BICRA: variants seen among roughly 807,000 people sequenced by gnomAD.
BICRA encodes the protein BRD4 interacting chromatin remodeling complex associated protein.
BICRA carries 31 observed loss-of-function variants against 96.9 expected under a neutral mutation model. The observed-to-expected ratio is 0.32, with a 90% confidence interval of 0.24 to 0.43. The LOEUF (loss-of-function observed/expected upper bound fraction) is 0.43. Among genes scored for constraint, BICRA ranks in the 20% least tolerant of loss-of-function variants. The pLI, the probability that BICRA is intolerant of heterozygous loss-of-function variation, is 1.00. For missense variants in BICRA, 2,283 were observed against 2,190.3 expected, an observed-to-expected ratio of 1.04 and a Z score of -0.84; for synonymous variants, 1,350 against 1,071.8, an observed-to-expected ratio of 1.26 and a Z score of -5.07.
chr19:47,651,261 C>T (rs376471413), intron 1 of BICRA, among the ~76,000 whole-genome samples: 30 of 152,254 alleles, frequency 2.0e-4, no homozygotes, highest in Middle Eastern at 3.4e-3. Context: ...TCCTCGCCCT[C>T]GTTGTCTGTC....
At chr19:47,693,980 C>G in intron 7 of BICRA, 135 bp from the exon 8 acceptor site, 1 of 1,058,386 alleles carries the variant, frequency 9.4e-7, no homozygotes, top group East Asian at 2.9e-5. Flanking sequence ...GTGGTGGGCT[C>G]CTCTCTCAGG....
In BICRA at chr19:47,701,122, G is replaced by A. The variant is rs571037549; in HGVS notation, c.3596-206G>A. 5.2e-5 allele frequency: 30 copies of A among 580,400 alleles called. No homozygotes were observed. In the East Asian group the frequency reaches 7.6e-4, roughly 15 times the overall value. The allele number at this position is 580,400 out of a possible 1,614,324, so 36.0% of individuals were successfully genotyped here. On this transcript the variant is annotated intron_variant, in intron 14 of 14. Transcript: ENST00000594866. The surrounding 1 kb of genome is among the most constrained non-coding windows in gnomAD (Gnocchi z 5.4). ...GAATGAGCCCCACGTGGCTCGTGGC[G>A]CTGTGCCAGGCACAGTGGTTTTAGA...
intron 1 of BICRA, among the ~76,000 whole-genome samples, chr19:47,669,151 G>C (rs535466834): frequency 6.6e-6 from 1 of 152,122 alleles, no homozygotes; most frequent in East Asian, 1.9e-4. Context: ...TACAAGCAGG[G>C]TGCAGAAATC....
intron 6 of BICRA, among the ~76,000 whole-genome samples, chr19:47,681,642 C>T (rs559350353): frequency 6.6e-6 from 1 of 152,120 alleles, no homozygotes; most frequent in East Asian, 1.9e-4. Context: ...AGAGGGACTA[C>T]CCGACGGACA....
At chr19:47,639,215 C>A (rs891319294) in intron 1 of BICRA, among the ~76,000 whole-genome samples, 2 of 151,436 alleles carry the variant, frequency 1.3e-5, no homozygotes, top group Non-Finnish European at 2.9e-5. Flanking sequence ...ATCATGTTGC[C>A]CAGGCTGGCC....
intron 1 of BICRA, among the ~76,000 whole-genome samples, chr19:47,658,764 G>GC (rs1457783347): frequency 1.3e-5 from 2 of 152,026 alleles, no homozygotes; most frequent in African/African-American, 4.8e-5. Flanking sequence ...ACCGGGACCT[G>GC]CCGATTCCCA....
At chr19:47,618,401 C>T (rs906505502) in intron 1 of BICRA, among the ~76,000 whole-genome samples, 4 of 152,112 alleles carry the variant, frequency 2.6e-5, no homozygotes, top group Non-Finnish European at 5.9e-5. Flanking sequence ...ATTTGGATGA[C>T]CTTATTGTTA....
At position 47,681,137 on chromosome 19, in the gene BICRA, C is replaced by T. The variant is rs1437410150; in HGVS notation, c.1967C>T (p.Ala656Val). 2 of 1,508,050 alleles carry T rather than the reference C, an allele frequency of 1.3e-6. No homozygotes were observed. Among genetic ancestry groups the T allele is most frequent in the South Asian group, 1.2e-5 (1 of 83,018 alleles). The allele number at this position is 1,508,050 out of a possible 1,614,324, so 93.4% of individuals were successfully genotyped here. The stretch of plus-strand genomic sequence containing the variant: ...CCGCAGGCCCCCACCCCACAGGCCG[C>T]CGCCCCGCCTCAGGCCACCACCCCC... ...QPPQAPTPQA[A>V]APPQATTPQP... The change falls in exon 6 of 15, where the codon GCC becomes GTC. Residue 656 changes from alanine to valine, a missense_variant. Physicochemically the swap from Ala to Val is moderately conservative, Grantham distance 64. Coordinates refer to ENST00000594866, the MANE Select transcript of BICRA (RefSeq NM_001394372.1).
Position 47,694,194 on chromosome 19 carries a change from G to T in BICRA, c.2363G>T (p.Ser788Ile). 7.0e-7 allele frequency: 1 copy of T among 1,426,666 alleles called. No homozygotes were observed. The highest frequency in any genetic ancestry group is 9.4e-7 in the Non-Finnish European group (1 of 1,066,764). The allele number at this position is 1,426,666 out of a possible 1,614,324, so 88.4% of individuals were successfully genotyped here. ...SLPHQAPLGDSPHLPSPHPTR... is the reference protein window; with the variant it reads ...SLPHQAPLGDIPHLPSPHPTR... ...CCTCACCAGGCCCCTCTGGGGGACAGCCCCCACCTGCCCTCCCCACACCCC... is the reference window on the plus strand; with the variant it reads ...CCTCACCAGGCCCCTCTGGGGGACATCCCCCACCTGCCCTCCCCACACCCC... Residue 788 changes from serine (S) to isoleucine (I), a missense_variant, in exon 8 of 15, where the codon AGC becomes ATC. Ser to Ile is a moderately radical substitution (Grantham distance 142, BLOSUM62 -2). Coordinates refer to ENST00000594866, the MANE Select transcript of BICRA (RefSeq NM_001394372.1).
rs1245764285 is a variant in BICRA at position 47,679,800 on chromosome 19, C to T, written c.630C>T (p.Pro210=). The T allele has an allele frequency of 6.7e-7, 1 of 1,488,314 alleles. No individual in the cohort carries two copies. Among genetic ancestry groups the T allele is most frequent in the Non-Finnish European group, 8.9e-7 (1 of 1,121,014 alleles). 92.2% of individuals were successfully genotyped at this position (1,488,314 alleles called of 1,614,324 possible). A position where few individuals can be genotyped will look rare whatever the true frequency, so the allele number is the denominator to read the frequency against. The change falls in exon 6 of 15, where the codon CCC becomes CCT. Residue 210 remains proline (P), a synonymous_variant. Transcript: ENST00000594866. Reference sequence around the variant, plus strand: ...GCCTGGGCAATGTGACACTGCAGCCCATCCCGGGCCTCCAAGGCCTGCCCA... The same window carrying T: ...GCCTGGGCAATGTGACACTGCAGCCTATCCCGGGCCTCCAAGGCCTGCCCA... ...PVGLGNVTLQ[P]IPGLQGLPNG...
intron 1 of BICRA, among the ~76,000 whole-genome samples, chr19:47,627,533 C>G (rs941822446): frequency 5.9e-5 from 9 of 152,176 alleles, no homozygotes; most frequent in Non-Finnish European, 1.5e-5. Flanking sequence ...GGCAGCTCCC[C>G]GTCAGCACAT....
rs1035900262 is a variant in BICRA at position 47,679,620 on chromosome 19, G to A, written c.450G>A (p.Ala150=). The change falls in exon 6 of 15, where the codon GCG becomes GCA. Residue 150 remains alanine, a synonymous_variant. Transcript: ENST00000594866. ...GCCCGACGGGCGCTGGAGGGGCAGC[G>A]GCCGTGGCTGCGGGGCCCCAAGCCC... ...GAGPTGAGGA[A]AVAAGPQALF... 1.6e-5 allele frequency: 24 copies of A among 1,517,712 alleles called. No individual in the cohort carries two copies. The highest frequency in any genetic ancestry group is 3.8e-5 in the South Asian group (3 of 79,816). The allele number at this position is 1,517,712 out of a possible 1,614,324, so 94.0% of individuals were successfully genotyped here.
intron 1 of BICRA, among the ~76,000 whole-genome samples, chr19:47,668,807 T>C (rs959987486): frequency 2.0e-5 from 3 of 151,910 alleles, no homozygotes; most frequent in Non-Finnish European, 4.4e-5. Flanking sequence ...GTGCTTCTTA[T>C]TGGTGATTTC....
rs773075791 is a variant in BICRA, at chr19:47,680,817, G to A, written c.1647G>A (p.Val549=). Residue 549 remains valine, a synonymous_variant, in exon 6 of 15, where the codon GTG becomes GTA. Transcript: ENST00000594866. ...AHILSAAPIQ[V]GQPALFQMPV... is the part of the protein sequence containing the mutation. ...TCCTCTCCGCCGCTCCCATCCAGGT[G>A]GGCCAGCCTGCGCTCTTCCAGATGC... 69 of 1,605,800 alleles carry A rather than the reference G, an allele frequency of 4.3e-5. No homozygotes were observed. The highest frequency in any genetic ancestry group is 5.6e-5 in the Non-Finnish European group (66 of 1,178,504).
At chr19:47,697,422 T>C (rs974047875) in intron 11 of BICRA, among the ~76,000 whole-genome samples, 6 of 151,888 alleles carry the variant, frequency 4.0e-5, no homozygotes, top group Non-Finnish European at 7.4e-5. Flanking sequence ...TTTTTTTTTA[T>C]ATATATTGTG....
chr19:47,649,388 CATAAT>C (rs1243801652), intron 1 of BICRA, among the ~76,000 whole-genome samples: 1 of 152,124 alleles, frequency 6.6e-6, no homozygotes, highest in African/African-American at 2.4e-5. Context: ...AAGTTGATCT[CATAAT>C]ATATAAGTCA....
rs559541056 is a variant in BICRA, at chr19:47,685,889, G to A, written c.2283+3737G>A. 5.3e-5 allele frequency among the ~76,000 whole-genome samples: 8 copies of A among 151,884 alleles called. No homozygotes were observed. In the East Asian group the frequency reaches 1.6e-3, roughly 29 times the overall value. Reference sequence around the variant, plus strand: ...CTTTGCTTATTTAGCAACGCATCTTGGAGCACTGGCTTTCAGACCTTTTTT... The same window carrying A: ...CTTTGCTTATTTAGCAACGCATCTTAGAGCACTGGCTTTCAGACCTTTTTT... On this transcript the variant is annotated intron_variant, in intron 7 of 14. Coordinates refer to ENST00000594866, the MANE Select transcript of BICRA (RefSeq NM_001394372.1).
intron 1 of BICRA, among the ~76,000 whole-genome samples, chr19:47,644,726 C>T (rs1195026715): frequency 2.0e-5 from 3 of 152,148 alleles, no homozygotes; most frequent in Non-Finnish European, 4.4e-5. Flanking sequence ...GTCTCAAACT[C>T]CTGGCCTCAA....
intron 3 of BICRA, 29 bp downstream of exon 3, chr19:47,673,644 C>G (rs1306118338): frequency 6.4e-7 from 1 of 1,573,966 alleles, no homozygotes; most frequent in Non-Finnish European, 8.7e-7. Flanking sequence ...ACCCCCTGCC[C>G]TCTGTCTCAA....
Sources: allele counts gnomAD v4.1 joint callset (sites outside exome capture counted in the v4.1 genomes callset), GRCh38; gene constraint gnomAD v4.1.1; non-coding constraint Gnocchi (gnomAD v3.1); transcripts MANE v1.5; gene names NCBI Gene and HGNC (gene_info 2026-07-23, HGNC 2026-07-21).